TBCD: variants seen among roughly 807,000 people sequenced by gnomAD.
TBCD encodes the protein tubulin-specific chaperone D.
Under a neutral mutation model 169.3 loss-of-function variants are expected in TBCD, and 105 were observed. That is an observed-to-expected ratio of 0.62 (90% CI 0.53 to 0.73). The LOEUF is 0.73. Ranked by LOEUF, TBCD falls within the 30% of genes least tolerant of loss-of-function variation. The pLI, the probability that TBCD is intolerant of heterozygous loss-of-function variation, is 0.00. For missense variants in TBCD, 1,444 were observed against 1,600.1 expected, an observed-to-expected ratio of 0.90 and a Z score of 1.66; for synonymous variants, 700 against 643.9, an observed-to-expected ratio of 1.09 and a Z score of -1.32.
Position 82,922,168 on chromosome 17 carries a change from C to T in TBCD, c.2178+591C>T, listed in dbSNP as rs1250952075. On this transcript the variant is annotated intron_variant, in intron 25 of 38. Transcript: ENST00000355528. The surrounding 1 kb of genome is among the most constrained non-coding windows in gnomAD (Gnocchi z 4.1). ...TTGAGGTCAGGAGTTCGAGGCCAGC[C>T]TGGCCAACATGGTGAAACCCCATCT... Among the ~76,000 whole-genome samples the T allele has an allele frequency of 6.6e-6, 1 of 152,234 alleles. No homozygotes were observed. The highest frequency in any genetic ancestry group is 1.5e-5 in the Non-Finnish European group (1 of 68,046).
At chr17:82,798,560 G>A (rs370790256) in intron 8 of TBCD, among the ~76,000 whole-genome samples, 2 of 151,710 alleles carry the variant, frequency 1.3e-5, no homozygotes, top group Non-Finnish European at 2.9e-5. Context: ...GATTACAGGC[G>A]TAATAACTGG....
chr17:82,854,680 G>A (rs1030345717), intron 13 of TBCD, among the ~76,000 whole-genome samples: 1 of 152,186 alleles, frequency 6.6e-6, no homozygotes, highest in Non-Finnish European at 1.5e-5. Flanking sequence ...GGGGGGAGCT[G>A]GGCAGCAGTG....
chr17:82,772,521 G>A lies in TBCD; in HGVS notation c.638+14G>A. 1 of 1,613,876 alleles carries A rather than the reference G, an allele frequency of 6.2e-7. No individual in the cohort carries two copies. The highest frequency in any genetic ancestry group is 8.5e-7 in the Non-Finnish European group (1 of 1,179,792). ...CCTTGTGTCCAGGTAAGTTTCCATG[G>A]CACATTTCTTGGTGTGTGGCTGGTG... On this transcript the variant is annotated intron_variant, in intron 6 of 38. Coordinates refer to ENST00000355528, the MANE Select transcript of TBCD (RefSeq NM_005993.5).
intron 13 of TBCD, among the ~76,000 whole-genome samples, chr17:82,828,489 C>T (rs1185299097): frequency 6.7e-6 from 1 of 149,850 alleles, no homozygotes; most frequent in Non-Finnish European, 1.5e-5. Flanking sequence ...CGTGCACATC[C>T]ACACAATCGA....
intron 22 of TBCD, among the ~76,000 whole-genome samples, chr17:82,911,007 T>A (rs1354066912): frequency 1.3e-5 from 2 of 152,192 alleles, no homozygotes; most frequent in Non-Finnish European, 2.9e-5. Flanking sequence ...TCCCACCAGT[T>A]TCTGGCCACC....
chr17:82,760,342 C>G (rs1020620009), intron 2 of TBCD, among the ~76,000 whole-genome samples: 2 of 152,186 alleles, frequency 1.3e-5, no homozygotes, highest in Admixed American at 6.5e-5. Context: ...GGGGAGAAGT[C>G]TTTCTAAGAT....
intron 18 of TBCD, among the ~76,000 whole-genome samples, chr17:82,901,276 A>G (rs893832214): frequency 6.6e-6 from 1 of 152,228 alleles, no homozygotes; most frequent in East Asian, 1.9e-4. Flanking sequence ...CGCCCTGAGG[A>G]GGTCAGAGGG....
intron 13 of TBCD, among the ~76,000 whole-genome samples, chr17:82,842,982 G>A (rs2890159): frequency 0.35 from 52,730 of 151,130 alleles, 9,638 homozygotes; most frequent in Middle Eastern, 0.42. Context: ...GGGTTTCACC[G>A]TGTTAGCCAG....
rs373966069 is a variant in TBCD at position 82,883,340 on chromosome 17, T to C, written c.1476-805T>C. On this transcript the variant is annotated intron_variant, in intron 14 of 38. Coordinates refer to ENST00000355528, the MANE Select transcript of TBCD (RefSeq NM_005993.5). Reference sequence around the variant, plus strand: ...GAGGCGCAATCTCTCAAGCCTTCCTTAGAAAGGATGATTGTCCTCCACCCT... The same window carrying C: ...GAGGCGCAATCTCTCAAGCCTTCCTCAGAAAGGATGATTGTCCTCCACCCT... Among the ~76,000 whole-genome samples the C allele has an allele frequency of 3.2e-4, 49 of 152,374 alleles. No individual in the cohort carries two copies. The East Asian group carries it at 8.7e-3, about 27-fold the overall frequency.
At chr17:82,876,915 G>T (rs542909916) in intron 14 of TBCD, 1 of 980,122 alleles carries the variant, frequency 1.0e-6, no homozygotes, top group Non-Finnish European at 1.2e-6. Context: ...GCTGTCAGCC[G>T]GTCTGACTGC....
At chr17:82,850,327 G>GCTCTT (rs2055652575) in intron 13 of TBCD, among the ~76,000 whole-genome samples, 1 of 146,768 alleles carries the variant, frequency 6.8e-6, no homozygotes, top group Non-Finnish European at 1.5e-5. Context: ...TGTTGGCTGT[G>GCTCTT]CTGTTGTTGG....
chr17:82,852,752 A>G (rs1260834717), intron 13 of TBCD, among the ~76,000 whole-genome samples: 1 of 152,184 alleles, frequency 6.6e-6, no homozygotes, highest in Non-Finnish European at 1.5e-5. Context: ...TGGAGGCCGC[A>G]TTTTATTTAT....
At chr17:82,933,127 G>A (rs1270606080) in intron 34 of TBCD, among the ~76,000 whole-genome samples, 1 of 152,174 alleles carries the variant, frequency 6.6e-6, no homozygotes, top group African/African-American at 2.4e-5. Flanking sequence ...GTGACCTGGC[G>A]AGGACTTGCC....
In TBCD at chr17:82,809,810, T is replaced by C. The variant is rs1209778038; in HGVS notation, c.1223+28T>C. ...ATGTGAGAAGAGCAGGGGAGGCGTGTGGGCCTGACCCTGAGTTGAGAAGCC... is the reference window on the plus strand; with the variant it reads ...ATGTGAGAAGAGCAGGGGAGGCGTGCGGGCCTGACCCTGAGTTGAGAAGCC... On this transcript the variant is annotated intron_variant, in intron 12 of 38. Coordinates refer to ENST00000355528, the MANE Select transcript of TBCD (RefSeq NM_005993.5). 2.5e-6 allele frequency: 4 copies of C among 1,607,794 alleles called. No individual in the cohort carries two copies. In the African/African-American group the frequency reaches 5.3e-5, roughly 21 times the overall value.
chr17:82,786,300 C>T (rs2049312148), intron 7 of TBCD, among the ~76,000 whole-genome samples: 1 of 152,178 alleles, frequency 6.6e-6, no homozygotes, highest in African/African-American at 2.4e-5. Flanking sequence ...AAAAACATCT[C>T]AGGTCAGGGG....
chr17:82,828,504 ACCC>A (rs368420925), intron 13 of TBCD, among the ~76,000 whole-genome samples: 2 of 112,104 alleles, frequency 1.8e-5, no homozygotes, highest in Admixed American at 2.1e-4. Context: ...AATCGAATGC[ACCC>A]CCCCCGCAGA....
chr17:82,805,913 A>C lies in TBCD; in HGVS notation c.989A>C (p.Gln330Pro). 1 of 1,612,372 alleles carries C rather than the reference A, an allele frequency of 6.2e-7. No homozygotes were observed. Among genetic ancestry groups the C allele is most frequent in the South Asian group, 1.1e-5 (1 of 91,064 alleles). The change falls in exon 10 of 39, where the codon CAG becomes CCG. Residue 330 changes from glutamine to proline, a missense_variant. Physicochemically the swap from Gln to Pro is moderately conservative, Grantham distance 76. Transcript: ENST00000355528. ...TGCCGATCTTTGGCTGCAAATCTGCAGCTCCTCACTCAGGGTCAGAGTGAG... is the reference window on the plus strand; with the variant it reads ...TGCCGATCTTTGGCTGCAAATCTGCCGCTCCTCACTCAGGGTCAGAGTGAG... Reference protein sequence around the residue: ...RGCRSLAANLQLLTQGQSEQK... With the variant: ...RGCRSLAANLPLLTQGQSEQK...
chr17:82,838,607 C>T (rs1180317917), intron 13 of TBCD: 65 of 979,824 alleles, frequency 6.6e-5, no homozygotes, highest in South Asian at 1.9e-4. Context: ...ACTGTGATGT[C>T]GCAAGAACGA....
At chr17:82,801,865 GGCGTCGTGT>G (rs1375324471) in intron 9 of TBCD, among the ~76,000 whole-genome samples, 3 of 147,168 alleles carry the variant, frequency 2.0e-5, no homozygotes, top group Admixed American at 6.8e-5. Flanking sequence ...GTGGCAGGAG[GGCGTCGTGT>G]GCGTCGTGTG....
Sources: gnomAD v4.1 joint callset for allele counts (sites outside exome capture counted in the v4.1 genomes callset) on GRCh38, gnomAD v4.1.1 for gene constraint, Gnocchi (gnomAD v3.1) non-coding constraint, MANE v1.5 for transcripts, NCBI Gene and HGNC (gene_info 2026-07-23, HGNC 2026-07-21) for gene names.